The following RHEB variants were observed in gnomAD, a reference collection of about 807,000 sequenced individuals.
The protein encoded by RHEB is GTP-binding protein Rheb.
Under a neutral mutation model 28.8 loss-of-function variants are expected in RHEB, and 2 were observed. The observed-to-expected ratio is 0.07, with a 90% CI of 0.03 to 0.22. The LOEUF is 0.22. Ranked by LOEUF, RHEB falls within the 10% of genes least tolerant of loss-of-function variation. The pLI, the probability that RHEB is intolerant of heterozygous loss-of-function variation, is 1.00. For missense variants in RHEB, 76 were observed against 219.9 expected, an observed-to-expected ratio of 0.35 and a Z score of 4.14; for synonymous variants, 69 against 77.3, an observed-to-expected ratio of 0.89 and a Z score of 0.56.
At chr7:151,505,818 T>A (rs1008922599) in intron 1 of RHEB, among the ~76,000 whole-genome samples, 3 of 152,122 alleles carry the variant, frequency 2.0e-5, no homozygotes, top group African/African-American at 7.2e-5. Context: ...CACTTTGCAA[T>A]AAAAAGAAAT....
Position 151,479,552 on chromosome 7 carries a change from G to A in RHEB, c.193-2137C>T, listed in dbSNP as rs572899173. On this transcript the variant is annotated intron_variant, in intron 3 of 7. Coordinates refer to ENST00000262187, the MANE Select transcript of RHEB (RefSeq NM_005614.4). ...AAAAAAACTAGCTGGGCGTGGTGGC[G>A]GGCGCCTGTAGTCCCAGCTACTCAG... Among the ~76,000 whole-genome samples, 553 of 151,942 alleles carry A rather than the reference G, an allele frequency of 3.6e-3. 7 individuals carry two copies. The highest frequency in any genetic ancestry group is 0.013 in the African/African-American group (524 of 41,462).
At chr7:151,481,333 G>C (rs1802378948) in intron 3 of RHEB, among the ~76,000 whole-genome samples, 1 of 152,156 alleles carries the variant, frequency 6.6e-6, no homozygotes, top group African/African-American at 2.4e-5. Flanking sequence ...AAACTACTAA[G>C]TAGTAAATAG....
chr7:151,476,201 T>G (rs1172050440), intron 4 of RHEB, among the ~76,000 whole-genome samples: 1 of 152,056 alleles, frequency 6.6e-6, no homozygotes. Flanking sequence ...CGGAGAAAAA[T>G]GTTAAACAAC....
intron 1 of RHEB, among the ~76,000 whole-genome samples, chr7:151,508,349 G>A (rs1802924267): frequency 1.3e-5 from 2 of 152,012 alleles, no homozygotes; most frequent in African/African-American, 2.4e-5. Flanking sequence ...TAAAATCTGC[G>A]CTGACCTCAT....
intron 1 of RHEB, chr7:151,502,829 G>A: frequency 8.4e-7 from 1 of 1,194,800 alleles, no homozygotes; most frequent in East Asian, 2.3e-5. Flanking sequence ...GAATGTGGCT[G>A]GTCTAGTTTT....
At chr7:151,467,320 G>A in intron 7 of RHEB, 109 bp from the exon 8 acceptor site, 1 of 786,590 alleles carries the variant, frequency 1.3e-6, no homozygotes, top group Non-Finnish European at 2.2e-6. Flanking sequence ...TACTGGTGGA[G>A]GAGGAGGGGT....
At chr7:151,512,359 T>C (rs1803006558) in intron 1 of RHEB, among the ~76,000 whole-genome samples, 1 of 152,298 alleles carries the variant, frequency 6.6e-6, no homozygotes, top group South Asian at 2.1e-4. Flanking sequence ...ACTTGTGTAC[T>C]CCTCCCCACC....
intron 3 of RHEB, among the ~76,000 whole-genome samples, chr7:151,478,445 A>G (rs536038585): frequency 2.0e-5 from 3 of 152,170 alleles, no homozygotes; most frequent in South Asian, 2.1e-4. Flanking sequence ...GATATAATAA[A>G]TAAGATTAAA....
At chr7:151,470,904 T>C (rs1373566410) in intron 6 of RHEB, among the ~76,000 whole-genome samples, 5 of 152,244 alleles carry the variant, frequency 3.3e-5, no homozygotes, top group Admixed American at 2.0e-4. Flanking sequence ...GAGAACATGA[T>C]CTTATTTTCC....
chr7:151,467,545 G>T (rs892773387), intron 7 of RHEB, among the ~76,000 whole-genome samples: 1 of 151,980 alleles, frequency 6.6e-6, no homozygotes, highest in Non-Finnish European at 1.5e-5. Flanking sequence ...CTGACCTCAG[G>T]GTCCCTCTTC....
chr7:151,481,616 C>T (rs1802382969), intron 3 of RHEB, among the ~76,000 whole-genome samples: 1 of 152,174 alleles, frequency 6.6e-6, no homozygotes, highest in Admixed American at 6.5e-5. Context: ...TGCCTGTGTG[C>T]CACCATCCTG....
chr7:151,491,084 A>G, intron 1 of RHEB, 70 bp from the exon 2 acceptor site: 1 of 1,111,390 alleles, frequency 9.0e-7, no homozygotes, highest in Non-Finnish European at 1.3e-6. Context: ...TTGCTGTTTT[A>G]TTAAAAAACC....
intron 1 of RHEB, among the ~76,000 whole-genome samples, chr7:151,493,133 G>A (rs1802614491): frequency 6.6e-6 from 1 of 151,900 alleles, no homozygotes; most frequent in South Asian, 2.1e-4. Flanking sequence ...GAGCCACCGC[G>A]CCTGCCCTAA....
intron 1 of RHEB, among the ~76,000 whole-genome samples, chr7:151,505,005 T>A (rs1052334133): frequency 2.0e-4 from 29 of 143,158 alleles, no homozygotes; most frequent in Non-Finnish European, 4.3e-4. Flanking sequence ...ATCAGAGACC[T>A]AAACATAAAA....
chr7:151,486,912 A>G (rs1276978803), intron 2 of RHEB, among the ~76,000 whole-genome samples: 1 of 152,228 alleles, frequency 6.6e-6, no homozygotes, highest in Non-Finnish European at 1.5e-5. Flanking sequence ...TACAGGAAAG[A>G]CTAGGGGAAG....
chr7:151,482,836 C>T (rs1310961632), intron 3 of RHEB, among the ~76,000 whole-genome samples: 1 of 152,200 alleles, frequency 6.6e-6, no homozygotes, highest in Non-Finnish European at 1.5e-5. Flanking sequence ...CAATCCAAAA[C>T]AATTTCCTAC....
intron 1 of RHEB, chr7:151,517,826 C>T (rs948303929): frequency 3.3e-5 from 5 of 152,166 alleles, no homozygotes; most frequent in Admixed American, 3.3e-4. Flanking sequence ...AGCCGAGGTA[C>T]TTGTTGCCTA....
In RHEB at chr7:151,468,364, C is replaced by T. The variant is rs1025974048; in HGVS notation, c.463-1153G>A. On this transcript the variant is annotated intron_variant, in intron 7 of 7. Coordinates refer to ENST00000262187, the MANE Select transcript of RHEB (RefSeq NM_005614.4). The surrounding 1 kb of genome is among the most constrained non-coding windows in gnomAD (Gnocchi z 4.3). ...AGCAGGCCACCATGGCGCCACTGTACTTCAACTCCCTTCCCTACCAACTGT... is the reference window on the plus strand; with the variant it reads ...AGCAGGCCACCATGGCGCCACTGTATTTCAACTCCCTTCCCTACCAACTGT... Among the ~76,000 whole-genome samples, 4 of 152,234 alleles carry T rather than the reference C, an allele frequency of 2.6e-5. No homozygotes were observed. The highest frequency in any genetic ancestry group is 9.6e-5 in the African/African-American group (4 of 41,468).
chr7:151,517,731 C>G (rs1198387986), intron 1 of RHEB, among the ~76,000 whole-genome samples: 3 of 151,622 alleles, frequency 2.0e-5, no homozygotes, highest in Admixed American at 6.6e-5. Context: ...GCCCTGCTCA[C>G]CAAAGACTAG....
Sources: gnomAD v4.1 joint callset for allele counts (sites outside exome capture counted in the v4.1 genomes callset) on GRCh38, gnomAD v4.1.1 for gene constraint, Gnocchi (gnomAD v3.1) non-coding constraint, MANE v1.5 for transcripts, NCBI Gene and HGNC (gene_info 2026-07-23, HGNC 2026-07-21) for gene names.